RAD54L2: variants seen among roughly 807,000 people sequenced by gnomAD.
RAD54L2 encodes RAD54 like 2.
A neutral mutation model predicts 138.4 loss-of-function variants in RAD54L2; 27 were observed. The ratio of observed to expected loss-of-function variants is 0.20; its 90% CI spans 0.14 to 0.27. RAD54L2 has a LOEUF of 0.27. RAD54L2 is among the 10% of genes least tolerant of loss of function. The pLI, the probability that RAD54L2 is intolerant of heterozygous loss-of-function variation, is 1.00. For synonymous variants in RAD54L2, 644 were observed against 723.2 expected, an observed-to-expected ratio of 0.89 and a Z score of 1.76; for missense variants, 1,396 against 1,890.2, an observed-to-expected ratio of 0.74 and a Z score of 4.85.
At chr3:51,610,695 T>C (rs569942539) in intron 3 of RAD54L2, among the ~76,000 whole-genome samples, 1 of 151,708 alleles carries the variant, frequency 6.6e-6, no homozygotes, top group South Asian at 2.1e-4. Context: ...TAATCTCCCC[T>C]TTTGGGATAT....
intron 2 of RAD54L2, among the ~76,000 whole-genome samples, chr3:51,570,139 ATTTTTTTT>A (rs374562749): frequency 3.0e-5 from 3 of 100,986 alleles, no homozygotes; most frequent in Non-Finnish European, 4.0e-5. Flanking sequence ...AGCCTTTTTA[ATTTTTTTT>A]TTTTTTTTTT....
chr3:51,578,143 C>G (rs1320256430), intron 2 of RAD54L2, among the ~76,000 whole-genome samples: 1 of 151,128 alleles, frequency 6.6e-6, no homozygotes, highest in Non-Finnish European at 1.5e-5. Context: ...CACTCCCCCC[C>G]TGCCCCACCC....
chr3:51,638,555 G>A lies in RAD54L2; in HGVS notation c.1860+234G>A, dbSNP rs187546279. 11 of 443,318 alleles carry A rather than the reference G, an allele frequency of 2.5e-5. No homozygotes were observed. The Admixed American group carries it at 2.6e-4, about 10-fold the overall frequency. The allele number at this position is 443,318 out of a possible 1,614,324, so 27.5% of individuals were successfully genotyped here. On this transcript the variant is annotated intron_variant, in intron 12 of 22. Coordinates refer to ENST00000684192, the MANE Select transcript of RAD54L2 (RefSeq NM_015106.4). The surrounding 1 kb of genome is among the most constrained non-coding windows in gnomAD (Gnocchi z 4.3). ...ATATAACTGATGCCCCCTGCAGTGTGCAACTCAGCTGCACAACTTGTTATT... is the reference window on the plus strand; with the variant it reads ...ATATAACTGATGCCCCCTGCAGTGTACAACTCAGCTGCACAACTTGTTATT...
chr3:51,651,781 G>A (rs909451198), intron 19 of RAD54L2, among the ~76,000 whole-genome samples: 1 of 152,108 alleles, frequency 6.6e-6, no homozygotes. Flanking sequence ...TTGATGGAAC[G>A]TATCTCAAAA....
chr3:51,552,387 C>T (rs1411167846), intron 2 of RAD54L2, among the ~76,000 whole-genome samples: 12 of 151,288 alleles, frequency 7.9e-5, no homozygotes, highest in Admixed American at 5.9e-4. Context: ...TTCAGCCTCC[C>T]GAGTAGGTGG....
At position 51,664,267 on chromosome 3, in the gene RAD54L2, C is replaced by G. The variant is rs1701866486; in HGVS notation, c.*847C>G. 6.6e-6 allele frequency: 1 copy of G among 152,176 alleles called. No individual in the cohort carries two copies. Among genetic ancestry groups the G allele is most frequent in the African/African-American group, 2.4e-5 (1 of 41,440 alleles). The allele number at this position is 152,176 out of a possible 1,614,324, so 9.4% of individuals were successfully genotyped here. A position where few individuals can be genotyped will look rare whatever the true frequency, so the allele number is the denominator to read the frequency against. ...GAAAATGGGCATTACCAATCTATGT[C>G]TCTTAACCCCGGTGGCTATCTCTGA... On this transcript the variant is annotated 3_prime_UTR_variant, in exon 23 of 23. Transcript: ENST00000684192.
intron 15 of RAD54L2, among the ~76,000 whole-genome samples, chr3:51,643,402 A>C (rs1701192751): frequency 1.3e-5 from 2 of 152,112 alleles, no homozygotes; most frequent in South Asian, 4.1e-4. Context: ...CTACTGTTCC[A>C]GATGTATTTC....
Position 51,665,336 on chromosome 3 carries a change from T to A in RAD54L2, c.*1916T>A, listed in dbSNP as rs1007438437. Reference sequence around the variant, plus strand: ...GTCAGGTCATCCCAGTAGTAGCTCCTACAGCTCTTCTGACCAGCCCATTTC... The same window carrying A: ...GTCAGGTCATCCCAGTAGTAGCTCCAACAGCTCTTCTGACCAGCCCATTTC... On this transcript the variant is annotated 3_prime_UTR_variant, in exon 23 of 23. Transcript: ENST00000684192. 3.9e-5 allele frequency: 6 copies of A among 152,340 alleles called. No individual in the cohort carries two copies. Among genetic ancestry groups the A allele is most frequent in the African/African-American group, 1.4e-4 (6 of 41,560 alleles). 9.4% of individuals were successfully genotyped at this position (152,340 alleles called of 1,614,324 possible).
At chr3:51,551,117 CTT>C (rs368902564) in intron 2 of RAD54L2, among the ~76,000 whole-genome samples, 17 of 147,270 alleles carry the variant, frequency 1.2e-4, no homozygotes, top group Non-Finnish European at 2.4e-4. Context: ...CTTTCTGTGA[CTT>C]TTTTTTTTTC....
intron 5 of RAD54L2, 69 bp from the exon 6 acceptor site, chr3:51,630,202 AT>A (rs1700803149): frequency 8.3e-7 from 1 of 1,211,206 alleles, no homozygotes. Context: ...GGGGTGGTGA[AT>A]TGTTTTGGGA....
At chr3:51,563,622 A>G (rs1336673839) in intron 2 of RAD54L2, among the ~76,000 whole-genome samples, 3 of 152,212 alleles carry the variant, frequency 2.0e-5, no homozygotes, top group African/African-American at 7.2e-5. Context: ...AAAGATCATC[A>G]GGGTCAGTAG....
At chr3:51,549,614 C>T (rs1698786000) in intron 2 of RAD54L2, among the ~76,000 whole-genome samples, 1 of 151,864 alleles carries the variant, frequency 6.6e-6, no homozygotes, top group Non-Finnish European at 1.5e-5. Flanking sequence ...CTCATCTCTA[C>T]TAAAAACACA....
chr3:51,603,625 A>G (rs1302662222), intron 3 of RAD54L2, among the ~76,000 whole-genome samples: 1 of 152,054 alleles, frequency 6.6e-6, no homozygotes, highest in Non-Finnish European at 1.5e-5. Context: ...AAATAAATAA[A>G]TAATAGGGAA....
chr3:51,629,214 G>A (rs896282731), intron 4 of RAD54L2, 120 bp from the exon 5 acceptor site: 2 of 1,119,034 alleles, frequency 1.8e-6, no homozygotes, highest in African/African-American at 3.2e-5. Flanking sequence ...GGGCTGATGT[G>A]GCTTCTCCTT....
At chr3:51,550,405 T>C (rs1053529395) in intron 2 of RAD54L2, among the ~76,000 whole-genome samples, 1 of 152,196 alleles carries the variant, frequency 6.6e-6, no homozygotes, top group Non-Finnish European at 1.5e-5. Flanking sequence ...TACAGTAAAA[T>C]TCAGGCATTT....
chr3:51,570,102 G>C (rs1467554060), intron 2 of RAD54L2, among the ~76,000 whole-genome samples: 1 of 149,736 alleles, frequency 6.7e-6, no homozygotes, highest in South Asian at 2.1e-4. Flanking sequence ...CAAAGTGTTG[G>C]GATTACAGGT....
chr3:51,551,720 CCA>C (rs1698841925), intron 2 of RAD54L2, among the ~76,000 whole-genome samples: 1 of 151,878 alleles, frequency 6.6e-6, no homozygotes, highest in Non-Finnish European at 1.5e-5. Context: ...CAGGCGTGAG[CCA>C]CTGCACCCGG....
chr3:51,642,639 TCA>T (rs1701168492), intron 15 of RAD54L2, among the ~76,000 whole-genome samples: 1 of 152,162 alleles, frequency 6.6e-6, no homozygotes, highest in South Asian at 2.1e-4. Context: ...GTAGTATCTC[TCA>T]GTTTTGACAA....
intron 2 of RAD54L2, among the ~76,000 whole-genome samples, chr3:51,556,013 G>A (rs981932337): frequency 3.9e-5 from 6 of 152,038 alleles, no homozygotes; most frequent in South Asian, 2.1e-4. Context: ...AATCCAACCC[G>A]TTCCAATTGA....
Sources: allele counts gnomAD v4.1 joint callset (sites outside exome capture counted in the v4.1 genomes callset), GRCh38; gene constraint gnomAD v4.1.1; non-coding constraint Gnocchi (gnomAD v3.1); transcripts MANE v1.5; gene names NCBI Gene and HGNC (gene_info 2026-07-23, HGNC 2026-07-21).